EFCAB5: variants seen among roughly 807,000 people sequenced by gnomAD.
EFCAB5 encodes EF-hand calcium binding domain 5.
Under a neutral mutation model 167.9 loss-of-function variants are expected in EFCAB5, and 131 were observed. That is an observed-to-expected ratio of 0.78 (90% CI 0.68 to 0.90). The LOEUF (loss-of-function observed/expected upper bound fraction) is 0.90. EFCAB5 is among the 40% of genes least tolerant of loss of function. The probability of loss-of-function intolerance (pLI) is 0.00; values close to 1 mark genes in which losing one functional copy is unlikely to be tolerated. For missense variants in EFCAB5, 1,663 were observed against 1,745.2 expected (o/e 0.95, Z 0.84); for synonymous variants, 574 against 602.8 (o/e 0.95, Z 0.70).
intron 17 of EFCAB5, among the ~76,000 whole-genome samples, chr17:30,082,640 C>T (rs765127540): frequency 7.2e-5 from 11 of 152,100 alleles, no homozygotes; most frequent in Non-Finnish European, 1.2e-4. Flanking sequence ...ATCCGCCCTG[C>T]CTTGGCCTCC....
chr17:30,084,106 C>T (rs1227015176), intron 18 of EFCAB5, among the ~76,000 whole-genome samples: 1 of 152,182 alleles, frequency 6.6e-6, no homozygotes, highest in Non-Finnish European at 1.5e-5. Context: ...CTGGCCCACA[C>T]AGGCATGTCC....
chr17:29,972,322 T>C (rs2067973245), intron 4 of EFCAB5, among the ~76,000 whole-genome samples: 3 of 151,974 alleles, frequency 2.0e-5, no homozygotes, highest in Admixed American at 1.3e-4. Flanking sequence ...GTGCTGGTAT[T>C]ACAGGCGTGA....
chr17:30,068,458 A>G (rs1313392635), intron 14 of EFCAB5, among the ~76,000 whole-genome samples: 1 of 152,250 alleles, frequency 6.6e-6, no homozygotes, highest in Non-Finnish European at 1.5e-5. Context: ...AGACGTCTAC[A>G]AGGAAAACTA....
At chr17:30,078,538 A>G (rs778760163) in intron 15 of EFCAB5, 34 bp downstream of exon 15, 8 of 1,510,920 alleles carry the variant, frequency 5.3e-6, no homozygotes, top group South Asian at 1.3e-5. Context: ...AAGAGGAAAC[A>G]TTTCCTCAAA....
intron 3 of EFCAB5, among the ~76,000 whole-genome samples, chr17:29,961,947 A>G (rs1454217752): frequency 6.6e-6 from 1 of 152,184 alleles, no homozygotes; most frequent in Non-Finnish European, 1.5e-5. Context: ...TGAAAAGATT[A>G]TTCTTTCCCT....
intron 19 of EFCAB5, among the ~76,000 whole-genome samples, chr17:30,088,295 T>C (rs1274234296): frequency 4.6e-5 from 7 of 152,128 alleles, no homozygotes; most frequent in Admixed American, 3.9e-4. Context: ...CATTTAATTT[T>C]TTTTTTTAAG....
chr17:29,996,471 AG>A (rs1246221872), intron 6 of EFCAB5, 111 bp downstream of exon 6: 14 of 877,304 alleles, frequency 1.6e-5, no homozygotes, highest in African/African-American at 5.1e-5. Flanking sequence ...AAACTCTTGC[AG>A]GGGCAATTAG....
At chr17:30,036,437 T>C (rs1597706612) in intron 8 of EFCAB5, among the ~76,000 whole-genome samples, 1 of 148,058 alleles carries the variant, frequency 6.8e-6, no homozygotes, top group East Asian at 1.9e-4. Context: ...AGAGGGAGAT[T>C]GCACCTGTGA....
intron 4 of EFCAB5, among the ~76,000 whole-genome samples, chr17:29,991,061 G>A (rs913882259): frequency 2.0e-5 from 3 of 152,134 alleles, no homozygotes; most frequent in Non-Finnish European, 4.4e-5. Flanking sequence ...TTATCAGTGT[G>A]AAAAGGTTCC....
At chr17:30,040,380 C>A (rs2069738007) in intron 8 of EFCAB5, among the ~76,000 whole-genome samples, 1 of 152,202 alleles carries the variant, frequency 6.6e-6, no homozygotes. Context: ...TCAGTCCACC[C>A]TTATCCATCC....
chr17:30,094,524 A>T lies in EFCAB5; in HGVS notation c.4321+1588A>T, dbSNP rs868783235. Among the ~76,000 whole-genome samples the T allele has an allele frequency of 3.6e-3, 546 of 150,734 alleles. 4 individuals are homozygous for T. Among genetic ancestry groups the T allele is most frequent in the African/African-American group, 0.012 (497 of 41,016 alleles). ...TGTCTCTCCAAAAAAAAAAAAAAAAAAAAAAAAAAATAACTGGGTGTGGTG... is the reference window on the plus strand; with the variant it reads ...TGTCTCTCCAAAAAAAAAAAAAAAATAAAAAAAAAATAACTGGGTGTGGTG... On this transcript the variant is annotated intron_variant, in intron 22 of 22. Transcript: ENST00000394835.
chr17:30,018,160 GTATT>G (rs2069091926), intron 7 of EFCAB5, among the ~76,000 whole-genome samples: 1 of 149,774 alleles, frequency 6.7e-6, no homozygotes, highest in Non-Finnish European at 1.5e-5. Context: ...TTGTTTCCTG[GTATT>G]GAATGTTGTG....
At chr17:30,018,391 A>G (rs2069098688) in intron 7 of EFCAB5, among the ~76,000 whole-genome samples, 1 of 152,106 alleles carries the variant, frequency 6.6e-6, no homozygotes, top group Non-Finnish European at 1.5e-5. Context: ...GAGTTTAAGT[A>G]GAATTGTCTT....
Position 29,969,264 on chromosome 17 carries a change from A to G in EFCAB5, c.664A>G (p.Asn222Asp), listed in dbSNP as rs368513341. The change falls in exon 4 of 23, where the codon AAT becomes GAT. Residue 222 changes from asparagine to aspartate, a missense_variant. Transcript: ENST00000394835. ...TTTGGGGGAATATTTAATAAGAAAC[A>G]ATCCTAATTATATCAAAGACCCAGG... ...NYLGEYLIRN[N>D]PNYIKDPGMS... The G allele has an allele frequency of 4.3e-5, 69 of 1,613,650 alleles. No homozygotes were observed. The African/African-American group carries it at 7.9e-4, about 18-fold the overall frequency.
chr17:30,104,804 T>C (rs1354851106), intron 22 of EFCAB5, among the ~76,000 whole-genome samples: 1 of 151,904 alleles, frequency 6.6e-6, no homozygotes, highest in Non-Finnish European at 1.5e-5. Context: ...GGAACCACCG[T>C]CCAGACACTT....
chr17:30,093,384 T>C (rs752234282), intron 22 of EFCAB5, among the ~76,000 whole-genome samples: 1 of 152,172 alleles, frequency 6.6e-6, no homozygotes, highest in African/African-American at 2.4e-5. Flanking sequence ...AGAGTAAATA[T>C]ACAAACAGAG....
At chr17:29,969,794 A>G (rs1397922443) in intron 4 of EFCAB5, among the ~76,000 whole-genome samples, 1 of 152,152 alleles carries the variant, frequency 6.6e-6, no homozygotes, top group East Asian at 1.9e-4. Context: ...CACCATAAAT[A>G]ACTACTATTC....
rs574016274 is a variant in EFCAB5 at position 30,024,813 on chromosome 17, G to A, written c.1045-9417G>A. Among the ~76,000 whole-genome samples, 144 of 152,234 alleles carry A rather than the reference G, an allele frequency of 9.5e-4. 2 individuals are homozygous for A. The South Asian group carries it at 0.011, about 11-fold the overall frequency. On this transcript the variant is annotated intron_variant, in intron 7 of 22. Transcript: ENST00000394835. ...ACAAGGCTACAGTAAGCAAAACAGCGTGGTACTGGTACCAAAACAGAGATA... is the reference window on the plus strand; with the variant it reads ...ACAAGGCTACAGTAAGCAAAACAGCATGGTACTGGTACCAAAACAGAGATA...
intron 7 of EFCAB5, among the ~76,000 whole-genome samples, chr17:30,004,787 ATTTTT>A (rs60231360): frequency 8.7e-6 from 1 of 115,136 alleles, no homozygotes; most frequent in African/African-American, 3.5e-5. Context: ...CTCCTGGCTA[ATTTTT>A]TTTTTTTTTT....
Sources: gnomAD v4.1 joint callset for allele counts (sites outside exome capture counted in the v4.1 genomes callset) on GRCh38, gnomAD v4.1.1 for gene constraint, MANE v1.5 for transcripts, NCBI Gene and HGNC (gene_info 2026-07-23, HGNC 2026-07-21) for gene names.